The following CDKAL1 variants were observed in gnomAD, a reference collection of about 807,000 sequenced individuals.
The protein encoded by CDKAL1 is CDKAL1 threonylcarbamoyladenosine tRNA methylthiotransferase.
Under a neutral mutation model 68.2 loss-of-function variants are expected in CDKAL1, and 32 were observed. The observed-to-expected ratio is 0.47, with a 90% CI of 0.35 to 0.63. The LOEUF (loss-of-function observed/expected upper bound fraction) is 0.63, where lower values mean the gene tolerates loss of function less well. Ranked by LOEUF, CDKAL1 falls within the 30% of genes least tolerant of loss-of-function variation. The probability of loss-of-function intolerance (pLI) is 0.00; values close to 1 mark genes in which losing one functional copy is unlikely to be tolerated. For synonymous variants in CDKAL1, 234 were observed against 244.3 expected (o/e 0.96, Z 0.39); for missense variants, 606 against 696.7 (o/e 0.87, Z 1.47).
intron 11 of CDKAL1, among the ~76,000 whole-genome samples, chr6:21,041,864 G>T (rs116193348): frequency 0.01 from 1,567 of 152,198 alleles, 31 homozygotes; most frequent in African/African-American, 0.036. Context: ...ATGTGTATCA[G>T]TAAAATTGCT....
At chr6:21,162,209 C>T (rs555675226) in intron 13 of CDKAL1, among the ~76,000 whole-genome samples, 1 of 152,152 alleles carries the variant, frequency 6.6e-6, no homozygotes, top group Non-Finnish European at 1.5e-5. Flanking sequence ...ACTATTGACT[C>T]AAGAAATCAC....
intron 12 of CDKAL1, among the ~76,000 whole-genome samples, chr6:21,094,068 A>G (rs1773196868): frequency 6.6e-6 from 1 of 152,050 alleles, no homozygotes; most frequent in Non-Finnish European, 1.5e-5. Flanking sequence ...CTCCAGAGAA[A>G]ACAAAATATA....
intron 9 of CDKAL1, among the ~76,000 whole-genome samples, chr6:20,940,379 T>C (rs1763911452): frequency 6.6e-6 from 1 of 152,196 alleles, no homozygotes; most frequent in African/African-American, 2.4e-5. Context: ...TTCTTCATTG[T>C]AGGCAGTTCT....
intron 8 of CDKAL1, among the ~76,000 whole-genome samples, chr6:20,799,040 GTTTTTTTTTTTTTTT>G (rs754008816): frequency 2.7e-4 from 13 of 47,482 alleles, no homozygotes; most frequent in Admixed American, 1.8e-3. Flanking sequence ...AAAGAACTGA[GTTTTTTTTTTTTTTT>G]TTTTTTTTTT....
chr6:20,636,277 CTGT>C (rs962730891), intron 4 of CDKAL1, among the ~76,000 whole-genome samples: 1 of 152,104 alleles, frequency 6.6e-6, no homozygotes, highest in Non-Finnish European at 1.5e-5. Context: ...CCCATCACTG[CTGT>C]TGTTCATTTT....
At chr6:20,728,736 T>G (rs533704547) in intron 5 of CDKAL1, among the ~76,000 whole-genome samples, 10 of 152,344 alleles carry the variant, frequency 6.6e-5, no homozygotes, top group African/African-American at 2.4e-4. Flanking sequence ...ATTCTACATG[T>G]ACTCCGATTA....
intron 8 of CDKAL1, among the ~76,000 whole-genome samples, chr6:20,798,137 A>T (rs1776193263): frequency 6.6e-6 from 1 of 152,004 alleles, no homozygotes; most frequent in South Asian, 2.1e-4. Context: ...TATTTATATG[A>T]CATTTTCAAA....
chr6:21,205,520 G>A (rs1305772839), intron 15 of CDKAL1, among the ~76,000 whole-genome samples: 3 of 149,496 alleles, frequency 2.0e-5, no homozygotes, highest in Non-Finnish European at 4.4e-5. Flanking sequence ...AATCCGCATG[G>A]GTCAAGCCTG....
At chr6:20,899,609 C>T (rs12154181) in intron 9 of CDKAL1, among the ~76,000 whole-genome samples, 51,224 of 151,844 alleles carry the variant, frequency 0.34, 8,868 homozygotes, top group African/African-American at 0.42. Flanking sequence ...TTTGGGAGCC[C>T]GAGGCAGGCA....
intron 13 of CDKAL1, 33 bp from the exon 14 acceptor site, chr6:21,197,988 C>T (rs112700929): frequency 1.4e-6 from 2 of 1,411,028 alleles, no homozygotes; most frequent in Non-Finnish European, 2.0e-6. Context: ...TTACCCTTAT[C>T]TTTCCTTTCT....
At chr6:21,029,845 C>T (rs930175325) in intron 11 of CDKAL1, among the ~76,000 whole-genome samples, 4 of 152,186 alleles carry the variant, frequency 2.6e-5, no homozygotes, top group Admixed American at 2.6e-4. Context: ...GCTGGCGATG[C>T]TGTGGAGGAA....
intron 8 of CDKAL1, among the ~76,000 whole-genome samples, chr6:20,834,759 G>C (rs935502404): frequency 6.6e-6 from 1 of 152,116 alleles, no homozygotes; most frequent in East Asian, 1.9e-4. Flanking sequence ...GAAATTTAAG[G>C]CATTAGCTTA....
Position 21,000,368 on chromosome 6 carries a change from G to T in CDKAL1, c.1051G>T (p.Glu351Ter). Residue 351 changes from glutamate (E) to a stop codon, truncating the protein, a stop_gained, in exon 11 of 16, where the codon GAG (glutamate) becomes TAG (stop). Coordinates refer to ENST00000274695, the MANE Select transcript of CDKAL1 (RefSeq NM_017774.3). LOFTEE classifies it high-confidence loss of function. ...CAAAAGAGTAGTGGATTTTCTGAAA[G>T]AGAAGTAAGTCTGTTAGTACTTAAG... is the stretch of plus-strand genomic sequence containing the variant. ...DFKRVVDFLKEKVPGITIATD... is the reference protein window; with the variant it reads ...DFKRVVDFLK The T allele has an allele frequency of 6.2e-7, 1 of 1,612,256 alleles. No individual in the cohort carries two copies. Among genetic ancestry groups the T allele is most frequent in the Non-Finnish European group, 8.5e-7 (1 of 1,178,996 alleles).
chr6:21,124,055 C>G (rs898859902), intron 13 of CDKAL1, among the ~76,000 whole-genome samples: 2 of 152,204 alleles, frequency 1.3e-5, no homozygotes, highest in Non-Finnish European at 2.9e-5. Flanking sequence ...TGCACATGTT[C>G]TCATTTTAAA....
intron 11 of CDKAL1, among the ~76,000 whole-genome samples, chr6:21,062,077 C>T (rs13210027): frequency 6.6e-6 from 1 of 152,138 alleles, no homozygotes; most frequent in Non-Finnish European, 1.5e-5. Flanking sequence ...CCAAAGTAAG[C>T]AGGTGTTGCA....
rs145328135 is a variant in CDKAL1 at position 20,683,420 on chromosome 6, T to C, written c.371+34043T>C. ...GTACCAGAGTAATTCAGCATTTGGT[T>C]TAAAAGTCTTGGCTTTACTTATATT... On this transcript the variant is annotated intron_variant, in intron 5 of 15. Coordinates refer to ENST00000274695, the MANE Select transcript of CDKAL1 (RefSeq NM_017774.3). 3.2e-3 allele frequency among the ~76,000 whole-genome samples: 494 copies of C among 152,336 alleles called. 6 individuals are homozygous for C. Among genetic ancestry groups the C allele is most frequent in the African/African-American group, 0.011 (465 of 41,562 alleles).
intron 2 of CDKAL1, among the ~76,000 whole-genome samples, chr6:20,543,763 G>A (rs1231262729): frequency 8.1e-6 from 1 of 123,264 alleles, no homozygotes; most frequent in Admixed American, 9.3e-5. Context: ...TTGAGACAGA[G>A]TCTCACTGTG....
At chr6:20,980,484 G>A (rs1014753343) in intron 10 of CDKAL1, among the ~76,000 whole-genome samples, 3 of 152,034 alleles carry the variant, frequency 2.0e-5, no homozygotes, top group Admixed American at 2.0e-4. Flanking sequence ...TGATCCGCCC[G>A]CCTCAGCCTC....
At chr6:20,949,464 T>C (rs568843901) in intron 9 of CDKAL1, among the ~76,000 whole-genome samples, 1 of 152,272 alleles carries the variant, frequency 6.6e-6, no homozygotes, top group East Asian at 1.9e-4. Context: ...GTGTGTATAT[T>C]TATGTGTCTG....
Sources: gnomAD v4.1 joint callset for allele counts (sites outside exome capture counted in the v4.1 genomes callset) on GRCh38, gnomAD v4.1.1 for gene constraint, MANE v1.5 for transcripts, NCBI Gene and HGNC (gene_info 2026-07-23, HGNC 2026-07-21) for gene names.